Variants in ZC3H18 observed in about 807,000 individuals in gnomAD.
ZC3H18 encodes the protein zinc finger CCCH-type containing 18.
Under a neutral mutation model 106.1 loss-of-function variants are expected in ZC3H18, and 8 were observed. The ratio of observed to expected loss-of-function variants is 0.08; its 90% CI spans 0.04 to 0.14. The LOEUF (loss-of-function observed/expected upper bound fraction) is 0.14, where lower values mean the gene tolerates loss of function less well. ZC3H18 is among the 10% of genes least tolerant of loss of function. The probability of loss-of-function intolerance (pLI) is 1.00; values close to 1 mark genes in which losing one functional copy is unlikely to be tolerated. For missense variants in ZC3H18, 1,318 were observed against 1,278.4 expected, an observed-to-expected ratio of 1.03 and a Z score of -0.47; for synonymous variants, 635 against 522.1, an observed-to-expected ratio of 1.22 and a Z score of -2.95.
intron 8 of ZC3H18, among the ~76,000 whole-genome samples, chr16:88,616,908 G>C (rs8063095): frequency 0.9 from 137,017 of 152,118 alleles, 61,817 homozygotes; most frequent in Admixed American, 0.93. Context: ...ACTTTTGTTT[G>C]GTCTGAAGCG....
rs1004150204 is a variant in ZC3H18 at position 88,577,461 on chromosome 16, G to A, written c.338G>A (p.Arg113Lys). The change falls in exon 2 of 18, where the codon AGG (arginine) becomes AAG (lysine). Residue 113 changes from arginine (R) to lysine (K), a missense_variant. Transcript: ENST00000301011. ...GAGGAAGACCGGACAAGCGACCTTA[G>A]GGATGAGGCCTCCTCAGTCACCAGG... ...EGEEDRTSDLRDEASSVTREL... is the reference protein window; with the variant it reads ...EGEEDRTSDLKDEASSVTREL... 1.9e-6 allele frequency: 3 copies of A among 1,612,074 alleles called. No homozygotes were observed. The highest frequency in any genetic ancestry group is 2.5e-6 in the Non-Finnish European group (3 of 1,179,276).
Position 88,631,934 on chromosome 16 carries a change from G to T in ZC3H18, c.*635G>T. The stretch of plus-strand genomic sequence containing the variant: ...TAATGTGGTGGGTCTTTTTTTGAGG[G>T]GTCTCCTAAAATAAAATATTTTGAT... On this transcript the variant is annotated 3_prime_UTR_variant, in exon 18 of 18. Transcript: ENST00000301011. The T allele has an allele frequency of 3.9e-6, 1 of 253,528 alleles. No homozygotes were observed. Among genetic ancestry groups the T allele is most frequent in the Non-Finnish European group, 7.8e-6 (1 of 128,506 alleles). The allele number at this position is 253,528 out of a possible 1,614,324, so 15.7% of individuals were successfully genotyped here.
intron 6 of ZC3H18, among the ~76,000 whole-genome samples, chr16:88,602,588 A>G (rs536902050): frequency 5.9e-5 from 9 of 152,368 alleles, no homozygotes; most frequent in Non-Finnish European, 1.5e-5. Flanking sequence ...ATTCTGATGC[A>G]TATTAAAGTT....
At chr16:88,612,867 G>A (rs888094618) in intron 8 of ZC3H18, among the ~76,000 whole-genome samples, 1 of 151,994 alleles carries the variant, frequency 6.6e-6, no homozygotes, top group African/African-American at 2.4e-5. Context: ...GCAGGGCGTG[G>A]TAGTGCACCA....
intron 12 of ZC3H18, 32 bp downstream of exon 12, chr16:88,624,777 T>G: frequency 6.3e-7 from 1 of 1,584,638 alleles, no homozygotes. Context: ...GCCCTCAGGC[T>G]TTCCGTGTTC....
chr16:88,614,007 G>A (rs1019138929), intron 8 of ZC3H18, among the ~76,000 whole-genome samples: 1 of 152,228 alleles, frequency 6.6e-6, no homozygotes, highest in Non-Finnish European at 1.5e-5. Flanking sequence ...TCCCCGTGGG[G>A]GTGAAATGCA....
intron 1 of ZC3H18, among the ~76,000 whole-genome samples, chr16:88,575,970 A>C (rs760882735): frequency 6.6e-6 from 1 of 152,108 alleles, no homozygotes; most frequent in Non-Finnish European, 1.5e-5. Flanking sequence ...GCGCGATCTC[A>C]GCTCACTGCA....
chr16:88,577,160 T>C lies in ZC3H18; in HGVS notation c.37T>C (p.Ser13Pro), dbSNP rs2142532125. Residue 13 changes from serine to proline, a missense_variant, in exon 2 of 18, where the codon TCT becomes CCT. Transcript: ENST00000301011. ...VAESPERDPH[S>P]PEDEEQPQGL... is the part of the protein sequence containing the mutation. Reference sequence around the variant, plus strand: ...CGAGAGCCCTGAACGGGATCCTCACTCTCCAGAGGATGAAGAGCAGCCACA... The same window carrying C: ...CGAGAGCCCTGAACGGGATCCTCACCCTCCAGAGGATGAAGAGCAGCCACA... 1 of 1,589,138 alleles carries C rather than the reference T, an allele frequency of 6.3e-7. No individual in the cohort carries two copies. The highest frequency in any genetic ancestry group is 1.1e-5 in the South Asian group (1 of 88,196).
chr16:88,605,881 G>A (rs1018508145), intron 6 of ZC3H18, among the ~76,000 whole-genome samples: 9 of 152,350 alleles, frequency 5.9e-5, no homozygotes, highest in Admixed American at 4.6e-4. Context: ...GTTCCCCTTA[G>A]CCAGGACCTC....
intron 6 of ZC3H18, among the ~76,000 whole-genome samples, chr16:88,600,316 G>A (rs78383019): frequency 0.068 from 10,416 of 152,284 alleles, 450 homozygotes; most frequent in East Asian, 0.23. Flanking sequence ...TGTGGAGGTT[G>A]CCACAAGCCA....
At chr16:88,584,167 AT>A (rs1915302395) in intron 2 of ZC3H18, among the ~76,000 whole-genome samples, 1 of 152,174 alleles carries the variant, frequency 6.6e-6, no homozygotes, top group East Asian at 1.9e-4. Flanking sequence ...CACACCTGTA[AT>A]CCTAGCACTT....
intron 3 of ZC3H18, among the ~76,000 whole-genome samples, chr16:88,595,286 C>G (rs1904369731): frequency 6.6e-6 from 1 of 151,960 alleles, no homozygotes; most frequent in South Asian, 2.1e-4. Flanking sequence ...CCGCCTCCGC[C>G]CCGCTCCAGC....
intron 17 of ZC3H18, among the ~76,000 whole-genome samples, chr16:88,630,802 G>C (rs1434411617): frequency 6.9e-6 from 1 of 144,744 alleles, no homozygotes; most frequent in Non-Finnish European, 1.5e-5. Context: ...GTTGAGGCTG[G>C]AGGGTGCCCT....
intron 15 of ZC3H18, 91 bp downstream of exon 15, chr16:88,628,210 C>G: frequency 2.7e-6 from 4 of 1,466,740 alleles, no homozygotes; most frequent in Non-Finnish European, 3.7e-6. Context: ...GGGACGGAGC[C>G]TGAGTGAGGG....
chr16:88,590,193 C>G (rs960119926), intron 3 of ZC3H18, among the ~76,000 whole-genome samples: 4 of 152,218 alleles, frequency 2.6e-5, no homozygotes, highest in African/African-American at 9.7e-5. Context: ...CTCAAGCAAT[C>G]CTTCCACCTC....
chr16:88,625,601 C>A (rs982500611), intron 13 of ZC3H18: 3 of 345,838 alleles, frequency 8.7e-6, no homozygotes, highest in African/African-American at 2.1e-5. Flanking sequence ...AGCTTCCAGC[C>A]CAGCAGGGCA....
chr16:88,624,363 C>T (rs772088707), intron 11 of ZC3H18: 11 of 684,072 alleles, frequency 1.6e-5, no homozygotes, highest in Middle Eastern at 4.1e-4. Context: ...CACTGCCTGG[C>T]GGTGCCTGTA....
At position 88,611,531 on chromosome 16, in the gene ZC3H18, G is replaced by A. The variant is rs547297072; in HGVS notation, c.1470G>A (p.Pro490=). Residue 490 remains proline, a synonymous_variant, in exon 8 of 18, where the codon CCG becomes CCA. Transcript: ENST00000301011. The part of the protein sequence containing the change: ...KGKPKPRSPQ[P]PSRQAEPPKK... ...AGCCCAAGCCCCGCTCCCCGCAGCC[G>A]CCAAGGTAGACCCTGCTTCCTGAAG... 2.4e-4 allele frequency: 369 copies of A among 1,549,620 alleles called. 6 individuals are homozygous for A. In the South Asian group the frequency reaches 3.8e-3, roughly 16 times the overall value.
Position 88,628,060 on chromosome 16 carries a change from C to A in ZC3H18, c.2410C>A (p.Gln804Lys). ...GACACCCCAGCAGGCACCCCCCGGG[C>A]AGCCCCAGCAGGGCACATTTGTGGC... is the stretch of plus-strand genomic sequence containing the variant. ...PSTPQQAPPG[Q>K]PQQGTFVAHK... Residue 804 changes from glutamine to lysine, a missense_variant, in exon 15 of 18, where the codon CAG (glutamine) becomes AAG (lysine). Transcript: ENST00000301011. 6.2e-7 allele frequency: 1 copy of A among 1,614,108 alleles called. No individual in the cohort carries two copies. The highest frequency in any genetic ancestry group is 8.5e-7 in the Non-Finnish European group (1 of 1,180,022).
Sources: gnomAD v4.1 joint callset for allele counts (sites outside exome capture counted in the v4.1 genomes callset) on GRCh38, gnomAD v4.1.1 for gene constraint, MANE v1.5 for transcripts, NCBI Gene and HGNC (gene_info 2026-07-23, HGNC 2026-07-21) for gene names.